PDS5A: variants seen among roughly 807,000 people sequenced by gnomAD.
The protein encoded by PDS5A is sister chromatid cohesion protein PDS5 homolog A.
A neutral mutation model predicts 167.1 loss-of-function variants in PDS5A; 42 were observed. The observed-to-expected ratio is 0.25, with a 90% confidence interval of 0.20 to 0.33. PDS5A has a LOEUF of 0.33. Ranked by LOEUF, PDS5A falls within the 10% of genes least tolerant of loss-of-function variation. The probability of loss-of-function intolerance (pLI) is 1.00; values close to 1 mark genes in which losing one functional copy is unlikely to be tolerated. For synonymous variants in PDS5A, 553 were observed against 554.6 expected, an observed-to-expected ratio of 1.00 and a Z score of 0.04; for missense variants, 1,033 against 1,605.9, an observed-to-expected ratio of 0.64 and a Z score of 6.10.
rs748745889 is a variant in PDS5A at position 39,928,081 on chromosome 4, T to C, written c.222A>G (p.Ala74=). 5.0e-6 allele frequency: 8 copies of C among 1,613,298 alleles called. No homozygotes were observed. The highest frequency in any genetic ancestry group is 4.5e-5 in the East Asian group (2 of 44,870). ...TGGGGTTCCTGAGGAAGAATTCAGA[T>C]GCAAGATGCAAGGCTAGTGGGAGAT... The part of the protein sequence containing the change: ...QQYLPLALHL[A]SEFFLRNPNK... Residue 74 remains alanine, a synonymous_variant, in exon 3 of 33, where the codon GCA becomes GCG. Transcript: ENST00000303538.
intron 17 of PDS5A, among the ~76,000 whole-genome samples, chr4:39,888,917 A>G (rs1721728982): frequency 6.6e-6 from 1 of 152,210 alleles, no homozygotes; most frequent in Non-Finnish European, 1.5e-5. Context: ...ATAAAGATGA[A>G]TATTTAAGGT....
chr4:39,861,317 G>T (rs1718973647), intron 26 of PDS5A, among the ~76,000 whole-genome samples: 1 of 152,018 alleles, frequency 6.6e-6, no homozygotes, highest in East Asian at 1.9e-4. Context: ...ATTTAGCCAG[G>T]AGTGGTGGCA....
rs181014548 is a variant in PDS5A at position 39,892,422 on chromosome 4, G to A, written c.1771-2058C>T. On this transcript the variant is annotated intron_variant, in intron 16 of 32. Coordinates refer to ENST00000303538, the MANE Select transcript of PDS5A (RefSeq NM_001100399.2). ...AAGCATCTCCTCTGATATCCAGTCA[G>A]CCAAACTGAAAATATAGCAGTCATT... 1.1e-4 allele frequency among the ~76,000 whole-genome samples: 17 copies of A among 152,286 alleles called. No homozygotes were observed. The East Asian group carries it at 3.3e-3, about 29-fold the overall frequency.
chr4:39,889,418 C>T (rs1022352297), intron 17 of PDS5A, among the ~76,000 whole-genome samples: 39 of 152,352 alleles, frequency 2.6e-4, no homozygotes, highest in African/African-American at 9.4e-4. Flanking sequence ...ATCAGCATTT[C>T]AATACAGCCA....
rs1403056026 is a variant in PDS5A at position 39,844,650 on chromosome 4, A to T, written c.3548+6T>A. 4 of 1,602,150 alleles carry T rather than the reference A, an allele frequency of 2.5e-6. No homozygotes were observed. Among genetic ancestry groups the T allele is most frequent in the Non-Finnish European group, 3.4e-6 (4 of 1,176,136 alleles). ...TAGTAACAAAATAATTGGAGAGAAA[A>T]GTTGCCTTGATCGATTTCCGGTTGA... On this transcript the variant is annotated splice_donor_region_variant and intron_variant, in intron 30 of 32. Transcript: ENST00000303538.
intron 2 of PDS5A, among the ~76,000 whole-genome samples, chr4:39,950,975 C>T (rs543951851): frequency 6.6e-6 from 1 of 152,036 alleles, no homozygotes; most frequent in East Asian, 1.9e-4. Flanking sequence ...ACAATCATAG[C>T]TCACTGCAGC....
rs1723110453 is a variant in PDS5A, at chr4:39,904,202, T to A, written c.1234-11A>T. The A allele has an allele frequency of 1.3e-6, 2 of 1,588,152 alleles. No individual in the cohort carries two copies. Among genetic ancestry groups the A allele is most frequent in the African/African-American group, 2.7e-5 (2 of 73,826 alleles). ...TTTTCTTACTCGCCACTAAAAAGCATAAAATTTATTAGATGAGCAAGATAA... is the reference window on the plus strand; with the variant it reads ...TTTTCTTACTCGCCACTAAAAAGCAAAAAATTTATTAGATGAGCAAGATAA... On this transcript the variant is annotated splice_polypyrimidine_tract_variant and intron_variant, in intron 11 of 32. Transcript: ENST00000303538.
At chr4:39,864,778 AG>A (rs1489423557) in intron 23 of PDS5A, among the ~76,000 whole-genome samples, 3 of 152,218 alleles carry the variant, frequency 2.0e-5, no homozygotes, top group Admixed American at 1.3e-4. Context: ...AACACTTTAT[AG>A]GCTTTATCTC....
At chr4:39,930,215 CAAAAAAAAAAAAAAAAAAA>C (rs764983592) in intron 2 of PDS5A, among the ~76,000 whole-genome samples, 16 of 35,092 alleles carry the variant, frequency 4.6e-4, no homozygotes, top group Admixed American at 1.8e-3. Flanking sequence ...GACTCCATCT[CAAAAAAAAAAAAAAAAAAA>C]AAAAAAAAAA....
At chr4:39,968,122 T>G (rs1730159492) in intron 2 of PDS5A, among the ~76,000 whole-genome samples, 1 of 152,156 alleles carries the variant, frequency 6.6e-6, no homozygotes, top group Admixed American at 6.6e-5. Context: ...GTATTTTATT[T>G]TTTTAATTTT....
chr4:39,904,268 T>G, intron 11 of PDS5A, 77 bp from the exon 12 acceptor site: 4 of 1,010,688 alleles, frequency 4.0e-6, no homozygotes, highest in Non-Finnish European at 5.8e-6. Context: ...CTTGGCTTCA[T>G]TAGGTTGTAC....
chr4:39,970,351 A>G (rs913528191), intron 2 of PDS5A, among the ~76,000 whole-genome samples: 1 of 151,864 alleles, frequency 6.6e-6, no homozygotes, highest in Non-Finnish European at 1.5e-5. Context: ...GCTCTAGTAT[A>G]GGAAAACATA....
At chr4:39,833,508 C>A (rs796326168) in intron 32 of PDS5A, among the ~76,000 whole-genome samples, 3 of 152,224 alleles carry the variant, frequency 2.0e-5, no homozygotes, top group African/African-American at 7.2e-5. Flanking sequence ...CTCACCTCAG[C>A]CTCTGAAGTA....
chr4:39,965,161 T>C (rs138416211), intron 2 of PDS5A, among the ~76,000 whole-genome samples: 1 of 152,228 alleles, frequency 6.6e-6, no homozygotes, highest in Non-Finnish European at 1.5e-5. Flanking sequence ...GAGGTGATAA[T>C]GCCATTTCTG....
chr4:39,863,254 T>C (rs1258198157), intron 24 of PDS5A, 82 bp downstream of exon 24: 1 of 1,127,484 alleles, frequency 8.9e-7, no homozygotes, highest in Non-Finnish European at 1.3e-6. Flanking sequence ...ATATTCACAT[T>C]ATAAATGGAT....
intron 2 of PDS5A, among the ~76,000 whole-genome samples, chr4:39,939,791 C>T (rs994489657): frequency 8.6e-5 from 13 of 151,174 alleles, no homozygotes; most frequent in Admixed American, 6.6e-4. Context: ...AGCAAGACTT[C>T]GTTTCCAAAA....
At chr4:39,956,408 G>C (rs898059599) in intron 2 of PDS5A, among the ~76,000 whole-genome samples, 1 of 150,360 alleles carries the variant, frequency 6.7e-6, no homozygotes, top group Non-Finnish European at 1.5e-5. Flanking sequence ...TGGGAGGATC[G>C]CTTGAACCCA....
At chr4:39,856,741 G>A (rs1718554933) in intron 26 of PDS5A, among the ~76,000 whole-genome samples, 4 of 152,042 alleles carry the variant, frequency 2.6e-5, no homozygotes, top group African/African-American at 9.7e-5. Flanking sequence ...GCTTGAACCT[G>A]GGAGGCAGAG....
chr4:39,952,539 G>A (rs956299725), intron 2 of PDS5A, among the ~76,000 whole-genome samples: 43 of 150,908 alleles, frequency 2.8e-4, no homozygotes, highest in Non-Finnish European at 5.3e-4. Context: ...CAAATTCCTT[G>A]GTCTTTCTAT....
Sources: gnomAD v4.1 joint callset for allele counts (sites outside exome capture counted in the v4.1 genomes callset) on GRCh38, gnomAD v4.1.1 for gene constraint, MANE v1.5 for transcripts, NCBI Gene and HGNC (gene_info 2026-07-23, HGNC 2026-07-21) for gene names.